Variants in SIX2 observed in about 807,000 individuals in gnomAD.
SIX2 encodes homeobox protein SIX2.
Under a neutral mutation model 22.8 loss-of-function variants are expected in SIX2, and 20 were observed. That is an observed-to-expected ratio of 0.88 (90% CI 0.62 to 1.28). The LOEUF (loss-of-function observed/expected upper bound fraction) is 1.28, where lower values mean the gene tolerates loss of function less well. SIX2 is among the 50% of genes most tolerant of loss of function. The probability of loss-of-function intolerance (pLI) is 0.00; values close to 1 mark genes in which losing one functional copy is unlikely to be tolerated. For synonymous variants in SIX2, 195 were observed against 186.4 expected (o/e 1.05, Z -0.37); for missense variants, 360 against 400.0 (o/e 0.90, Z 0.85).
Position 45,006,492 on chromosome 2 carries a change from G to T in SIX2, c.561-7C>A, listed in dbSNP as rs1250582672. 2.5e-6 allele frequency: 4 copies of T among 1,612,016 alleles called. No individual in the cohort carries two copies. The highest frequency in any genetic ancestry group is 3.4e-6 in the Non-Finnish European group (4 of 1,179,710). ...GGAGTTCTCGTTGTTCTCCCTGCAA[G>T]TGCGGGAGCAAAGCAGCGGGGTCAG... is the stretch of plus-strand genomic sequence containing the variant. On this transcript the variant is annotated splice_region_variant and splice_polypyrimidine_tract_variant and intron_variant, in intron 1 of 1. Coordinates refer to ENST00000303077, the MANE Select transcript of SIX2 (RefSeq NM_016932.5). The surrounding 1 kb of genome is among the most constrained non-coding windows in gnomAD (Gnocchi z 4.2).
At chr2:45,007,622 A>T (rs1667790375) in intron 1 of SIX2, among the ~76,000 whole-genome samples, 1 of 152,028 alleles carries the variant, frequency 6.6e-6, no homozygotes, top group South Asian at 2.1e-4. Flanking sequence ...AGGGTGGAAC[A>T]CACCCCATAT....
chr2:45,009,118 G>A lies in SIX2; in HGVS notation c.-8C>T, dbSNP rs755177564. On this transcript the variant is annotated 5_prime_UTR_variant, in exon 1 of 2. Coordinates refer to ENST00000303077, the MANE Select transcript of SIX2 (RefSeq NM_016932.5). ...GGTGGGCAGCATGGACATGGTGCCG[G>A]CTGCGTCCCCGCCCGCCCGCGCGCG... The A allele has an allele frequency of 1.3e-6, 2 of 1,550,196 alleles. No individual in the cohort carries two copies. The highest frequency in any genetic ancestry group is 3.8e-5 in the Admixed American group (2 of 52,552).
chr2:45,008,643 C>T lies in SIX2; in HGVS notation c.468G>A (p.Glu156=). 6.2e-7 allele frequency: 1 copy of T among 1,614,078 alleles called. No individual in the cohort carries two copies. Among genetic ancestry groups the T allele is most frequent in the Non-Finnish European group, 8.5e-7 (1 of 1,179,970 alleles). The change falls in exon 1 of 2, where the codon GAG becomes GAA. Residue 156 remains glutamate (E), a synonymous_variant. Transcript: ENST00000303077. ...NPYPSPREKR[E]LAEATGLTTT... The stretch of plus-strand genomic sequence containing the variant: ...TGGTGAGGCCCGTGGCCTCCGCCAG[C>T]TCACGCTTCTCGCGGGGTGAAGGGT...
In SIX2 at chr2:45,009,049, A is replaced by G; in HGVS notation, c.62T>C (p.Leu21Pro). The G allele has an allele frequency of 6.2e-7, 1 of 1,606,288 alleles. No homozygotes were observed. The highest frequency in any genetic ancestry group is 8.5e-7 in the Non-Finnish European group (1 of 1,178,920). The part of the protein sequence containing the change: ...QEQVACVCEV[L>P]QQGGNIERLG... Reference sequence around the variant, plus strand: ...CCGCTCGATGTTGCCGCCCTGCTGCAGCACCTCGCACACGCACGCCACTTG... The same window carrying G: ...CCGCTCGATGTTGCCGCCCTGCTGCGGCACCTCGCACACGCACGCCACTTG... Residue 21 changes from leucine to proline, a missense_variant, in exon 1 of 2, where the codon CTG becomes CCG. Coordinates refer to ENST00000303077, the MANE Select transcript of SIX2 (RefSeq NM_016932.5).
In SIX2 at chr2:45,006,247, G is replaced by T; in HGVS notation, c.799C>A (p.Pro267Thr). The change falls in exon 2 of 2, where the codon CCA becomes ACA. Residue 267 changes from proline (P) to threonine (T), a missense_variant. Pro to Thr is a conservative substitution (Grantham distance 38, BLOSUM62 -1). Around this residue, in one of 3 missense-constraint regions of SIX2, gnomAD observed 235 missense variants for 231.9 expected, o/e 1.01. Coordinates refer to ENST00000303077, the MANE Select transcript of SIX2 (RefSeq NM_016932.5). This position sits in a 1 kb window ranked among gnomAD's most constrained non-coding sequence, Gnocchi z 4.2. ...VPVPGGGGAD[P>T]LQHHHGLQDS... ...TGCAGGCCATGGTGGTGTTGCAGTG[G>T]GTCCGCTCCACCTCCGCCTGGCACC... The T allele has an allele frequency of 2.5e-6, 4 of 1,614,210 alleles. No homozygotes were observed. Among genetic ancestry groups the T allele is most frequent in the Non-Finnish European group, 3.4e-6 (4 of 1,180,026 alleles).
intron 1 of SIX2, 85 bp downstream of exon 1, chr2:45,008,466 C>G: frequency 6.8e-7 from 1 of 1,469,980 alleles, no homozygotes; most frequent in Non-Finnish European, 9.4e-7. Context: ...CAGTTTAGGC[C>G]TCTCCGGGGG....
chr2:45,006,163 A>G lies in SIX2; in HGVS notation c.*7T>C, dbSNP rs1362829026. Reference sequence around the variant, plus strand: ...ACAAAAGGCAAGCTCATCAAGGCAAATGGGTTCTAGGAGCCCAGGTCCACG... The same window carrying G: ...ACAAAAGGCAAGCTCATCAAGGCAAGTGGGTTCTAGGAGCCCAGGTCCACG... On this transcript the variant is annotated 3_prime_UTR_variant, in exon 2 of 2. Coordinates refer to ENST00000303077, the MANE Select transcript of SIX2 (RefSeq NM_016932.5). This position sits in a 1 kb window ranked among gnomAD's most constrained non-coding sequence, Gnocchi z 4.2. 3 of 1,614,090 alleles carry G rather than the reference A, an allele frequency of 1.9e-6. No homozygotes were observed. Among genetic ancestry groups the G allele is most frequent in the South Asian group, 2.2e-5 (2 of 91,084 alleles).
At position 45,008,962 on chromosome 2, in the gene SIX2, A is replaced by G; in HGVS notation, c.149T>C (p.Leu50Pro). ...CEHLHKNESVLKAKAVVAFHR... is the reference protein window; with the variant it reads ...CEHLHKNESVPKAKAVVAFHR... ...GAAGGCCACCACGGCCTTGGCCTTG[A>G]GCACGCTTTCATTCTTGTGAAGGTG... Residue 50 changes from leucine (L) to proline (P), a missense_variant, in exon 1 of 2, where the codon CTC becomes CCC. Physicochemically the swap from Leu to Pro is moderately conservative, Grantham distance 98 (BLOSUM62 -3). Coordinates refer to ENST00000303077, the MANE Select transcript of SIX2 (RefSeq NM_016932.5). The G allele has an allele frequency of 6.2e-7, 1 of 1,613,684 alleles. No individual in the cohort carries two copies. The highest frequency in any genetic ancestry group is 8.5e-7 in the Non-Finnish European group (1 of 1,179,944).
chr2:45,006,490 A>G lies in SIX2; in HGVS notation c.561-5T>C, dbSNP rs760085583. 6.2e-7 allele frequency: 1 copy of G among 1,612,222 alleles called. No homozygotes were observed. ...TTGGAGTTCTCGTTGTTCTCCCTGC[A>G]AGTGCGGGAGCAAAGCAGCGGGGTC... On this transcript the variant is annotated splice_region_variant and splice_polypyrimidine_tract_variant and intron_variant, in intron 1 of 1. Transcript: ENST00000303077. The surrounding 1 kb of genome is among the most constrained non-coding windows in gnomAD (Gnocchi z 4.2).
At position 45,005,934 on chromosome 2, in the gene SIX2, G is replaced by A. The variant is rs1667745121; in HGVS notation, c.*236C>T. ...AGTGGTGTATAATTTATTCCCTTCT[G>A]TGGTTCAAGACTCAGTCTCCAGCCC... is the stretch of plus-strand genomic sequence containing the variant. On this transcript the variant is annotated 3_prime_UTR_variant, in exon 2 of 2. Transcript: ENST00000303077. 3.2e-6 allele frequency: 2 copies of A among 623,192 alleles called. No individual in the cohort carries two copies. Among genetic ancestry groups the A allele is most frequent in the Middle Eastern group, 4.3e-4 (1 of 2,330 alleles). The allele number at this position is 623,192 out of a possible 1,614,324, so 38.6% of individuals were successfully genotyped here.
In SIX2 at chr2:45,005,218, A is replaced by G. The variant is rs1394336237; in HGVS notation, c.*952T>C. 2 of 152,344 alleles carry G rather than the reference A, an allele frequency of 1.3e-5. No individual in the cohort carries two copies. The highest frequency in any genetic ancestry group is 6.5e-5 in the Admixed American group (1 of 15,286). 9.4% of individuals were successfully genotyped at this position (152,344 alleles called of 1,614,324 possible). A position where few individuals can be genotyped will look rare whatever the true frequency, so the allele number is the denominator to read the frequency against. On this transcript the variant is annotated 3_prime_UTR_variant, in exon 2 of 2. Coordinates refer to ENST00000303077, the MANE Select transcript of SIX2 (RefSeq NM_016932.5). ...AACCATTTATATATTTATGATTTCT[A>G]ATTTTATTATAAAATAAAAGCAGAA...
intron 1 of SIX2, among the ~76,000 whole-genome samples, chr2:45,007,048 T>TTTC (rs1667780129): frequency 2.6e-5 from 4 of 152,232 alleles, no homozygotes; most frequent in Admixed American, 2.6e-4. Flanking sequence ...CTAAGCGTCC[T>TTTC]TTCCCTGTAG....
At chr2:45,007,112 G>A in intron 1 of SIX2, among the ~76,000 whole-genome samples, 1 of 152,240 alleles carries the variant, frequency 6.6e-6, no homozygotes, top group East Asian at 1.9e-4. Flanking sequence ...AGAGACAAGG[G>A]TCCAAGGATG....
At position 45,006,152 on chromosome 2, in the gene SIX2, C is replaced by A. The variant is rs1277040930; in HGVS notation, c.*18G>T. On this transcript the variant is annotated 3_prime_UTR_variant, in exon 2 of 2. Transcript: ENST00000303077. This position sits in a 1 kb window ranked among gnomAD's most constrained non-coding sequence, Gnocchi z 4.2. The stretch of plus-strand genomic sequence containing the variant: ...AGTGTCAAGTCACAAAAGGCAAGCT[C>A]ATCAAGGCAAATGGGTTCTAGGAGC... 6.2e-7 allele frequency: 1 copy of A among 1,613,858 alleles called. No homozygotes were observed. Among genetic ancestry groups the A allele is most frequent in the Non-Finnish European group, 8.5e-7 (1 of 1,179,812 alleles).
Position 45,005,881 on chromosome 2 carries a change from G to C in SIX2, c.*289C>G, listed in dbSNP as rs936504015. 5 of 543,062 alleles carry C rather than the reference G, an allele frequency of 9.2e-6. No homozygotes were observed. The African/African-American group carries it at 9.5e-5, about 10-fold the overall frequency. 33.6% of individuals were successfully genotyped at this position (543,062 alleles called of 1,614,324 possible). ...AAGGCAAGACAAGAGAGGGTAAAAG[G>C]AAGAGACAGAGGGAGAGAGAGAATG... On this transcript the variant is annotated 3_prime_UTR_variant, in exon 2 of 2. Coordinates refer to ENST00000303077, the MANE Select transcript of SIX2 (RefSeq NM_016932.5).
rs535011890 is a variant in SIX2 at position 45,006,080 on chromosome 2, G to A, written c.*90C>T. 707 of 1,398,460 alleles carry A rather than the reference G, an allele frequency of 5.1e-4. 3 individuals carry two copies. The highest frequency in any genetic ancestry group is 5.7e-4 in the Non-Finnish European group (558 of 983,422). 86.6% of individuals were successfully genotyped at this position (1,398,460 alleles called of 1,614,324 possible). On this transcript the variant is annotated 3_prime_UTR_variant, in exon 2 of 2. Transcript: ENST00000303077. This position sits in a 1 kb window ranked among gnomAD's most constrained non-coding sequence, Gnocchi z 4.2. ...CCTGCGGGTCTTTCAGTACCTGGTG[G>A]GGCCGCAGGGGCGGGGCGCCCCTGG... is the stretch of plus-strand genomic sequence containing the variant.
In SIX2 at chr2:45,009,157, G is replaced by T. The variant is rs1667826962; in HGVS notation, c.-47C>A. 1 of 1,465,012 alleles carries T rather than the reference G, an allele frequency of 6.8e-7. No individual in the cohort carries two copies. The highest frequency in any genetic ancestry group is 1.4e-5 in the South Asian group (1 of 73,778). 90.8% of individuals were successfully genotyped at this position (1,465,012 alleles called of 1,614,324 possible). On this transcript the variant is annotated 5_prime_UTR_variant, in exon 1 of 2. Transcript: ENST00000303077. The stretch of plus-strand genomic sequence containing the variant: ...CGCCCGCGCGCGCCCTCACCGGGCC[G>T]CGCGGTCCCGCATGGGAGCTTCCTC...
In SIX2 at chr2:45,005,829, G is replaced by T; in HGVS notation, c.*341C>A. 2.4e-6 allele frequency: 1 copy of T among 418,550 alleles called. No individual in the cohort carries two copies. The highest frequency in any genetic ancestry group is 4.4e-6 in the Non-Finnish European group (1 of 226,278). The allele number at this position is 418,550 out of a possible 1,614,324, so 25.9% of individuals were successfully genotyped here. On this transcript the variant is annotated 3_prime_UTR_variant, in exon 2 of 2. Coordinates refer to ENST00000303077, the MANE Select transcript of SIX2 (RefSeq NM_016932.5). ...GAAAGCAGAAAAAAGAAAAGAGAAG[G>T]AAGGGAAAGGAAGAGGAAAGGGGGA...
rs1489182063 is a variant in SIX2 at position 45,006,202 on chromosome 2, T to C, written c.844A>G (p.Met282Val). ...CCCAGGTCCACGAGGTTGGCTGACA[T>C]GGGGTTGAGGATGGAGTCCTGCAGG... Reference protein sequence around the residue: ...HGLQDSILNPMSANLVDLGS With the variant: ...HGLQDSILNPVSANLVDLGS The change falls in exon 2 of 2, where the codon ATG (methionine) becomes GTG (valine). Residue 282 changes from methionine to valine, a missense_variant. Physicochemically the swap from Met to Val is conservative, Grantham distance 21. Around this residue, in one of 3 missense-constraint regions of SIX2, gnomAD observed 235 missense variants for 231.9 expected, o/e 1.01. Transcript: ENST00000303077. This position sits in a 1 kb window ranked among gnomAD's most constrained non-coding sequence, Gnocchi z 4.2. The C allele has an allele frequency of 1.9e-6, 3 of 1,614,126 alleles. No homozygotes were observed. Among genetic ancestry groups the C allele is most frequent in the South Asian group, 1.1e-5 (1 of 91,078 alleles).
Sources: gnomAD v4.1 joint callset for allele counts (sites outside exome capture counted in the v4.1 genomes callset) on GRCh38, gnomAD v4.1.1 for gene constraint, gnomAD v4.1.1 regional missense constraint, Gnocchi (gnomAD v3.1) non-coding constraint, MANE v1.5 for transcripts, NCBI Gene and HGNC (gene_info 2026-07-23, HGNC 2026-07-21) for gene names.